Variants in GABRR2 observed in about 807,000 individuals in gnomAD.
The protein encoded by GABRR2 is gamma-aminobutyric acid receptor subunit rho-2.
A neutral mutation model predicts 47.0 loss-of-function variants in GABRR2; 36 were observed. That is an observed-to-expected ratio of 0.77 (90% CI 0.59 to 1.01). The LOEUF (loss-of-function observed/expected upper bound fraction) is 1.01, where lower values mean the gene tolerates loss of function less well. Ranked by LOEUF, GABRR2 falls within the 50% of genes least tolerant of loss-of-function variation. GABRR2 has a pLI of 0.00. For missense variants in GABRR2, 587 were observed against 594.6 expected, an observed-to-expected ratio of 0.99 and a Z score of 0.13; for synonymous variants, 204 against 227.5, an observed-to-expected ratio of 0.90 and a Z score of 0.93.
intron 1 of GABRR2, chr6:89,302,402 T>C (rs1323873792): frequency 3.5e-6 from 2 of 566,216 alleles, no homozygotes; most frequent in African/African-American, 1.9e-5. Flanking sequence ...CTCTAGGACA[T>C]CTGCGTCAGC....
chr6:89,273,492 C>T (rs1209537064), intron 2 of GABRR2, among the ~76,000 whole-genome samples: 2 of 152,230 alleles, frequency 1.3e-5, no homozygotes, highest in African/African-American at 4.8e-5. Flanking sequence ...GCCTCGGCCT[C>T]CCAAAGTGCT....
At chr6:89,261,415 C>G (rs1212931260) in intron 8 of GABRR2, among the ~76,000 whole-genome samples, 1 of 152,088 alleles carries the variant, frequency 6.6e-6, no homozygotes, top group Non-Finnish European at 1.5e-5. Flanking sequence ...GAACTGACCC[C>G]CCTCTTGGTC....
intron 8 of GABRR2, among the ~76,000 whole-genome samples, chr6:89,261,057 T>A (rs1299942840): frequency 1.3e-5 from 2 of 152,214 alleles, no homozygotes; most frequent in African/African-American, 4.8e-5. Context: ...CATAGATGAC[T>A]TCCTTGTCTC....
intron 1 of GABRR2, among the ~76,000 whole-genome samples, chr6:89,313,423 T>C (rs1426599378): frequency 6.6e-6 from 1 of 152,246 alleles, no homozygotes; most frequent in Non-Finnish European, 1.5e-5. Flanking sequence ...TTGGTGGCCC[T>C]GGAACCCCAT....
intron 8 of GABRR2, among the ~76,000 whole-genome samples, chr6:89,260,251 A>G (rs1388592568): frequency 6.6e-6 from 1 of 152,196 alleles, no homozygotes; most frequent in African/African-American, 2.4e-5. Context: ...CCAAACTGAT[A>G]AAATTGTGTG....
intron 1 of GABRR2, chr6:89,302,184 C>A: frequency 1.8e-6 from 1 of 560,442 alleles, no homozygotes. Flanking sequence ...TTCCAGCTGA[C>A]CCTCTCGCTG....
intron 2 of GABRR2, among the ~76,000 whole-genome samples, chr6:89,293,130 G>A (rs1446253241): frequency 6.6e-6 from 1 of 152,028 alleles, no homozygotes; most frequent in African/African-American, 2.4e-5. Flanking sequence ...TTAAAAAAAG[G>A]AAATTCTATC....
chr6:89,301,809 CG>C, intron 1 of GABRR2: 1 of 894,482 alleles, frequency 1.1e-6, no homozygotes, highest in Admixed American at 1.8e-5. Flanking sequence ...ACATTCAGGC[CG>C]GCCAGTGCGG....
intron 7 of GABRR2, among the ~76,000 whole-genome samples, chr6:89,265,111 G>A (rs1392752412): frequency 1.3e-5 from 2 of 152,052 alleles, no homozygotes; most frequent in Admixed American, 1.3e-4. Flanking sequence ...ACCTAATGTT[G>A]TCTAAATTTA....
intron 2 of GABRR2, among the ~76,000 whole-genome samples, chr6:89,291,509 G>A (rs1348637655): frequency 5.3e-5 from 8 of 151,296 alleles, no homozygotes; most frequent in African/African-American, 1.9e-4. Context: ...CAGCCACGTG[G>A]ACCTGCTCCT....
chr6:89,292,701 TCTCTG>T (rs1774472105), intron 2 of GABRR2, among the ~76,000 whole-genome samples: 2 of 147,056 alleles, frequency 1.4e-5, no homozygotes, highest in African/African-American at 2.5e-5. Flanking sequence ...ATATATCGTA[TCTCTG>T]ATATATATCA....
At chr6:89,302,495 G>T in intron 1 of GABRR2, 1 of 700,370 alleles carries the variant, frequency 1.4e-6, no homozygotes. Flanking sequence ...ACCTCCTTGT[G>T]CTTCCCGGGC....
intron 2 of GABRR2, among the ~76,000 whole-genome samples, chr6:89,283,194 A>ATTTT (rs56937794): frequency 2.0e-5 from 3 of 149,386 alleles, no homozygotes; most frequent in South Asian, 2.1e-4. Flanking sequence ...TTGGATTTTA[A>ATTTT]TTTTTTTTTT....
intron 2 of GABRR2, among the ~76,000 whole-genome samples, chr6:89,275,338 A>G (rs1265894915): frequency 6.6e-6 from 1 of 152,092 alleles, no homozygotes; most frequent in African/African-American, 2.4e-5. Context: ...CAGTGGCATG[A>G]TCTCGGCTCA....
rs895549390 is a variant in GABRR2, at chr6:89,301,775, C to G, written c.114-1910G>C. 4.0e-6 allele frequency: 3 copies of G among 752,094 alleles called. No individual in the cohort carries two copies. The Admixed American group carries it at 5.8e-5, about 14-fold the overall frequency. The allele number at this position is 752,094 out of a possible 1,614,324, so 46.6% of individuals were successfully genotyped here. A position where few individuals can be genotyped will look rare whatever the true frequency, so the allele number is the denominator to read the frequency against. ...CCCGTCCGCAGCCGCCTGCCAGACA[C>G]GCCCAGTATGAGGGAGATCCTGCAC... On this transcript the variant is annotated intron_variant, in intron 1 of 8. Transcript: ENST00000402938.
chr6:89,302,927 T>C, intron 1 of GABRR2: 1 of 1,185,806 alleles, frequency 8.4e-7, no homozygotes, highest in Non-Finnish European at 1.2e-6. Context: ...ACGGACATGT[T>C]CCAGCACAAG....
chr6:89,256,657 C>A lies in GABRR2; in HGVS notation c.*1013G>T, dbSNP rs1773605270. 1.3e-5 allele frequency among the ~76,000 whole-genome samples: 2 copies of A among 152,136 alleles called. No homozygotes were observed. The highest frequency in any genetic ancestry group is 4.8e-5 in the African/African-American group (2 of 41,426). ...ATAGGTGCCCTGGACCTCAAGGTAC[C>A]AGCTTAACCTCTGGAGGGGCAAAAG... On this transcript the variant is annotated 3_prime_UTR_variant, in exon 9 of 9. Coordinates refer to ENST00000402938, the MANE Select transcript of GABRR2 (RefSeq NM_002043.5).
At chr6:89,262,568 T>A (rs185047798) in intron 8 of GABRR2, among the ~76,000 whole-genome samples, 226 of 152,300 alleles carry the variant, frequency 1.5e-3, no homozygotes, top group African/African-American at 5.3e-3. Context: ...CTGATTTTTT[T>A]AAAGTTAACA....
At chr6:89,292,784 A>C (rs1774483667) in intron 2 of GABRR2, among the ~76,000 whole-genome samples, 5 of 48,928 alleles carry the variant, frequency 1.0e-4, no homozygotes, top group African/African-American at 5.0e-4. Flanking sequence ...TATATCGTAT[A>C]TACGATATAT....
Sources: gnomAD v4.1 joint callset for allele counts (sites outside exome capture counted in the v4.1 genomes callset) on GRCh38, gnomAD v4.1.1 for gene constraint, MANE v1.5 for transcripts, NCBI Gene and HGNC (gene_info 2026-07-23, HGNC 2026-07-21) for gene names.